Variants in TP63 observed in about 807,000 individuals in gnomAD.
The protein encoded by TP63 is tumor protein p63.
Under a neutral mutation model 82.8 loss-of-function variants are expected in TP63, and 17 were observed. The observed-to-expected ratio is 0.21, with a 90% CI of 0.14 to 0.31. The LOEUF (loss-of-function observed/expected upper bound fraction) is 0.31, where lower values mean the gene tolerates loss of function less well. TP63 is among the 10% of genes least tolerant of loss of function. TP63 has a pLI of 1.00. For synonymous variants in TP63, 330 were observed against 321.7 expected, an observed-to-expected ratio of 1.03 and a Z score of -0.28; for missense variants, 648 against 895.3, an observed-to-expected ratio of 0.72 and a Z score of 3.52.
At chr3:189,708,919 GT>G (rs1718393440) in intron 1 of TP63, among the ~76,000 whole-genome samples, 2 of 152,124 alleles carry the variant, frequency 1.3e-5, no homozygotes, top group African/African-American at 4.8e-5. Flanking sequence ...TTTACGTTGT[GT>G]TCAAGAAATT....
intron 3 of TP63, among the ~76,000 whole-genome samples, chr3:189,787,830 AGGCTGTATAAAATCCAGTTGTTGG>A (rs570777352): frequency 2.6e-3 from 389 of 152,134 alleles, no homozygotes; most frequent in African/African-American, 8.9e-3. Context: ...ACCGCCTAGC[AGGCTGTATAAAATCCAGTTGTTGG>A]GGCTGTAACC....
intron 7 of TP63, 135 bp from the exon 8 acceptor site, chr3:189,868,445 A>T: frequency 7.5e-7 from 1 of 1,341,042 alleles, no homozygotes; most frequent in Non-Finnish European, 1.0e-6. Flanking sequence ...TTTTGGGTCC[A>T]TTCTCAAAGC....
chr3:189,763,356 A>T (rs1017249421), intron 3 of TP63, among the ~76,000 whole-genome samples: 1 of 152,218 alleles, frequency 6.6e-6, no homozygotes, highest in Non-Finnish European at 1.5e-5. Flanking sequence ...CTATCTGAAT[A>T]ATGTAGAGCA....
rs551785722 is a variant in TP63 at position 189,721,681 on chromosome 3, C to T, written c.63-16059C>T. Among the ~76,000 whole-genome samples, 5 of 152,262 alleles carry T rather than the reference C, an allele frequency of 3.3e-5. No homozygotes were observed. The South Asian group carries it at 1.0e-3, about 32-fold the overall frequency. The stretch of plus-strand genomic sequence containing the variant: ...CTCTCGCTTGTTTCACATGCCCAGA[C>T]TTACCTCCCTGGGCGTAAGGAGTAT... On this transcript the variant is annotated intron_variant, in intron 1 of 13. Coordinates refer to ENST00000264731, the MANE Select transcript of TP63 (RefSeq NM_003722.5).
chr3:189,677,341 TAA>T (rs1267134682), intron 1 of TP63, among the ~76,000 whole-genome samples: 5 of 141,738 alleles, frequency 3.5e-5, no homozygotes, highest in South Asian at 4.5e-4. Context: ...TTTATATATA[TAA>T]ATATATATAA....
chr3:189,783,211 C>T (rs563894118), intron 3 of TP63, among the ~76,000 whole-genome samples: 7 of 151,884 alleles, frequency 4.6e-5, no homozygotes, highest in African/African-American at 1.2e-4. Context: ...GAACTGAGAA[C>T]GTACTCATTT....
intron 1 of TP63, among the ~76,000 whole-genome samples, chr3:189,646,920 T>C (rs1320153230): frequency 2.0e-5 from 3 of 147,120 alleles, no homozygotes; most frequent in Non-Finnish European, 3.0e-5. Flanking sequence ...GGGTCTGAAA[T>C]AGGCTTTTCC....
At chr3:189,703,171 C>T (rs1361662376) in intron 1 of TP63, among the ~76,000 whole-genome samples, 1 of 152,198 alleles carries the variant, frequency 6.6e-6, no homozygotes, top group African/African-American at 2.4e-5. Context: ...CGGTGTCTCA[C>T]GCCTGTAATC....
rs556308381 is a variant in TP63 at position 189,848,760 on chromosome 3, T to C, written c.580-15472T>C. 2.0e-4 allele frequency among the ~76,000 whole-genome samples: 30 copies of C among 152,326 alleles called. 1 individual carries two copies. The highest frequency in any genetic ancestry group is 1.0e-4 in the Non-Finnish European group (7 of 68,030). ...AATTTAGTTGTGCAACCTTTAGAAA[T>C]CATTTTATCAGGGATGCACTCCTGA... On this transcript the variant is annotated intron_variant, in intron 4 of 13. Transcript: ENST00000264731.
Position 189,738,122 on chromosome 3 carries a change from C to G in TP63, c.191+254C>G, listed in dbSNP as rs74612319. On this transcript the variant is annotated intron_variant, in intron 2 of 13. Transcript: ENST00000264731. ...AGGCCTCCTGCACCAAATTCACTTC[C>G]CCAATGTTTCTCTGATACTCAGAAT... Among the ~76,000 whole-genome samples, 20,081 of 152,096 alleles carry G rather than the reference C, an allele frequency of 0.13. 1,403 individuals carry two copies. Among genetic ancestry groups the G allele is most frequent in the East Asian group, 0.26 (1,360 of 5,178 alleles).
chr3:189,820,507 A>G (rs533397319), intron 4 of TP63, among the ~76,000 whole-genome samples: 2 of 152,160 alleles, frequency 1.3e-5, no homozygotes, highest in South Asian at 4.1e-4. Context: ...CACTCCCCCA[A>G]CCTAAGTGTA....
chr3:189,750,002 T>C (rs1015337386), intron 3 of TP63, among the ~76,000 whole-genome samples: 5 of 151,656 alleles, frequency 3.3e-5, no homozygotes, highest in Non-Finnish European at 7.4e-5. Flanking sequence ...CAGGCGCCTA[T>C]AGTCCCAGCT....
At chr3:189,799,757 T>C (rs1324887741) in intron 3 of TP63, among the ~76,000 whole-genome samples, 1 of 152,178 alleles carries the variant, frequency 6.6e-6, no homozygotes, top group East Asian at 1.9e-4. Flanking sequence ...CTATAACATT[T>C]GTCTGACAGT....
In TP63 at chr3:189,890,813, A is replaced by C. The variant is rs749220686; in HGVS notation, c.1677A>C (p.Ser559=). The C allele has an allele frequency of 9.3e-6, 15 of 1,613,858 alleles. No individual in the cohort carries two copies. In the South Asian group the frequency reaches 1.5e-4, roughly 17 times the overall value. Residue 559 remains serine, a synonymous_variant, in exon 13 of 14, where the codon TCA becomes TCC. Transcript: ENST00000264731. The part of the protein sequence containing the change: ...IVSFLARLGC[S]SCLDYFTTQG... ...GTTTCTTAGCGAGGTTGGGCTGTTC[A>C]TCATGTCTGGACTATTTCACGACCC...
intron 1 of TP63, among the ~76,000 whole-genome samples, chr3:189,665,748 C>T (rs1714330551): frequency 6.6e-6 from 1 of 151,950 alleles, no homozygotes; most frequent in African/African-American, 2.4e-5. Context: ...ACTAATACAC[C>T]AATTACCCAT....
In TP63 at chr3:189,737,731, C is replaced by G. The variant is rs1409533487; in HGVS notation, c.63-9C>G. On this transcript the variant is annotated splice_polypyrimidine_tract_variant and intron_variant, in intron 1 of 13. Coordinates refer to ENST00000264731, the MANE Select transcript of TP63 (RefSeq NM_003722.5). ...AGTATAATACTAGTTTCATTTTTGTCCTTTTAAGTTTCGTAGAAACCCCAG... is the reference window on the plus strand; with the variant it reads ...AGTATAATACTAGTTTCATTTTTGTGCTTTTAAGTTTCGTAGAAACCCCAG... The G allele has an allele frequency of 6.2e-7, 1 of 1,613,476 alleles. No homozygotes were observed. Among genetic ancestry groups the G allele is most frequent in the Non-Finnish European group, 8.5e-7 (1 of 1,179,566 alleles).
the TP63 span, among the ~76,000 whole-genome samples, chr3:189,619,831 C>G: frequency 1.3e-5 from 2 of 152,160 alleles, no homozygotes. Context: ...TCTCCTTCAG[C>G]CCCAAACTGT....
intron 1 of TP63, among the ~76,000 whole-genome samples, chr3:189,735,460 A>G (rs745976626): frequency 2.6e-5 from 4 of 152,198 alleles, no homozygotes; most frequent in Admixed American, 2.6e-4. Flanking sequence ...TCCTCCAACT[A>G]TACTTACTGA....
chr3:189,773,328 T>A (rs1723513661), intron 3 of TP63, among the ~76,000 whole-genome samples: 1 of 152,230 alleles, frequency 6.6e-6, no homozygotes, highest in Admixed American at 6.5e-5. Flanking sequence ...TAAATCTTAT[T>A]TTCGGTCAAA....
Sources: gnomAD v4.1 joint callset for allele counts (sites outside exome capture counted in the v4.1 genomes callset) on GRCh38, gnomAD v4.1.1 for gene constraint, MANE v1.5 for transcripts, NCBI Gene and HGNC (gene_info 2026-07-23, HGNC 2026-07-21) for gene names.